The following NTM variants were observed in gnomAD, a reference collection of about 807,000 sequenced individuals.
NTM encodes the protein IgLON family member 2.
Under a neutral mutation model 42.1 loss-of-function variants are expected in NTM, and 13 were observed. The ratio of observed to expected loss-of-function variants is 0.31; its 90% confidence interval spans 0.20 to 0.49. The LOEUF (loss-of-function observed/expected upper bound fraction) is 0.49, where lower values mean the gene tolerates loss of function less well. NTM is among the 20% of genes least tolerant of loss of function. The pLI is 0.99. For synonymous variants in NTM, 187 were observed against 179.2 expected (o/e 1.04, Z -0.35); for missense variants, 373 against 452.8 (o/e 0.82, Z 1.60).
At chr11:131,490,470 C>T (rs1385535581) in intron 1 of NTM, among the ~76,000 whole-genome samples, 2 of 152,190 alleles carry the variant, frequency 1.3e-5, no homozygotes, top group East Asian at 3.9e-4. Flanking sequence ...TTGTGCAAGG[C>T]TCAGCAGGGT....
intron 2 of NTM, among the ~76,000 whole-genome samples, chr11:132,061,012 TTTTA>T (rs144117723): frequency 0.012 from 1,757 of 152,300 alleles, 25 homozygotes; most frequent in African/African-American, 0.039. Flanking sequence ...GCTGCTAGAT[TTTTA>T]TTTGTTTTAC....
At chr11:131,848,216 C>T (rs766769499) in intron 1 of NTM, among the ~76,000 whole-genome samples, 1 of 152,186 alleles carries the variant, frequency 6.6e-6, no homozygotes, top group Non-Finnish European at 1.5e-5. Context: ...AATTCCCTCT[C>T]CTCCATACAG....
chr11:131,709,619 A>G (rs1251534252), intron 1 of NTM, among the ~76,000 whole-genome samples: 1 of 152,212 alleles, frequency 6.6e-6, no homozygotes, highest in Non-Finnish European at 1.5e-5. Context: ...ACCAGCAGTC[A>G]TTTCTGGACA....
At chr11:131,830,909 A>ATATTTTATTT (rs56208314) in intron 1 of NTM, among the ~76,000 whole-genome samples, 5 of 151,954 alleles carry the variant, frequency 3.3e-5, no homozygotes. Context: ...GTATTCCTAC[A>ATATTTTATTT]TATTTTATTT....
intron 3 of NTM, among the ~76,000 whole-genome samples, chr11:132,197,686 C>T (rs1274696900): frequency 7.6e-6 from 1 of 132,106 alleles, no homozygotes; most frequent in African/African-American, 2.9e-5. Flanking sequence ...GTGTGATGTT[C>T]CCCTTCCTGT....
chr11:132,180,971 A>T (rs1310861637), intron 3 of NTM, among the ~76,000 whole-genome samples: 2 of 152,224 alleles, frequency 1.3e-5, no homozygotes, highest in African/African-American at 4.8e-5. Flanking sequence ...TGTAAAGTCA[A>T]TAAATTTAGG....
chr11:132,003,495 C>T lies in NTM; in HGVS notation c.167+91847C>T, dbSNP rs2069895735. Among the ~76,000 whole-genome samples the T allele has an allele frequency of 6.6e-6, 1 of 152,126 alleles. No individual in the cohort carries two copies. Among genetic ancestry groups the T allele is most frequent in the Non-Finnish European group, 1.5e-5 (1 of 68,018 alleles). ...TCCTGGGCTCAAGCGATCCTTCTGG[C>T]TCAGACCTCCAATGTGCTGGGATTA... is the stretch of plus-strand genomic sequence containing the variant. On this transcript the variant is annotated intron_variant, in intron 2 of 8. Transcript: ENST00000683400. This position sits in a 1 kb window ranked among gnomAD's most constrained non-coding sequence, Gnocchi z 6.0.
intron 1 of NTM, among the ~76,000 whole-genome samples, chr11:131,393,295 C>T (rs551869821): frequency 1.3e-5 from 2 of 152,254 alleles, no homozygotes; most frequent in South Asian, 2.1e-4. Context: ...TCACCCACCT[C>T]CCCACACATG....
At position 131,729,133 on chromosome 11, in the gene NTM, T is replaced by G. The variant is rs2079314978; in HGVS notation, c.83-182431T>G. Among the ~76,000 whole-genome samples, 7 of 152,312 alleles carry G rather than the reference T, an allele frequency of 4.6e-5. No individual in the cohort carries two copies. In the South Asian group the frequency reaches 1.4e-3, roughly 32 times the overall value. ...GTGACCTTGGGCAACTTATATAACT[T>G]CTCTGTCCTGAGTTTTTTTTATCTG... On this transcript the variant is annotated intron_variant, in intron 1 of 8. Transcript: ENST00000683400.
chr11:132,191,371 G>A (rs1265849362), intron 3 of NTM, among the ~76,000 whole-genome samples: 1 of 152,208 alleles, frequency 6.6e-6, no homozygotes, highest in Non-Finnish European at 1.5e-5. Context: ...CACAGACCAA[G>A]TTCCAGCCCA....
intron 2 of NTM, among the ~76,000 whole-genome samples, chr11:132,074,908 C>T (rs1444044402): frequency 6.6e-6 from 1 of 152,120 alleles, no homozygotes; most frequent in African/African-American, 2.4e-5. Context: ...ATATGAATTA[C>T]CCTAATCTGA....
chr11:131,511,065 A>C (rs1188770355), intron 1 of NTM, among the ~76,000 whole-genome samples: 1 of 152,166 alleles, frequency 6.6e-6, no homozygotes, highest in Non-Finnish European at 1.5e-5. Context: ...TGGATTTTGA[A>C]GAGACTAAGA....
At chr11:131,379,387 G>A (rs1014762169) in intron 1 of NTM, among the ~76,000 whole-genome samples, 2 of 152,160 alleles carry the variant, frequency 1.3e-5, no homozygotes, top group Non-Finnish European at 2.9e-5. Context: ...CCTTCTTATA[G>A]AATCCAGCCA....
intron 1 of NTM, among the ~76,000 whole-genome samples, chr11:131,454,533 G>A (rs940490641): frequency 3.9e-5 from 6 of 152,166 alleles, no homozygotes; most frequent in East Asian, 3.8e-4. Context: ...TGCTTCCTGC[G>A]CTTTACAGAG....
At position 132,009,511 on chromosome 11, in the gene NTM, C is replaced by G. The variant is rs1035637711; in HGVS notation, c.167+97863C>G. Among the ~76,000 whole-genome samples the G allele has an allele frequency of 7.2e-5, 11 of 152,326 alleles. No individual in the cohort carries two copies. In the South Asian group the frequency reaches 8.3e-4, roughly 11 times the overall value. ...GTCGTTTCTGGCACTGACACTGTGC[C>G]TGGTCCAGTGCCCTGGCTGTGCCAT... is the stretch of plus-strand genomic sequence containing the variant. On this transcript the variant is annotated intron_variant, in intron 2 of 8. Transcript: ENST00000683400.
intron 1 of NTM, among the ~76,000 whole-genome samples, chr11:131,907,668 G>A (rs560513357): frequency 5.3e-5 from 8 of 152,236 alleles, no homozygotes; most frequent in African/African-American, 1.9e-4. Context: ...AGAGGGTGGA[G>A]GTGGGCGCTC....
intron 2 of NTM, among the ~76,000 whole-genome samples, chr11:132,022,314 C>A (rs1439707430): frequency 6.6e-6 from 1 of 152,256 alleles, no homozygotes; most frequent in African/African-American, 2.4e-5. Context: ...CGACTTTATG[C>A]TCTGTTTTCT....
At chr11:131,636,103 T>C (rs1221664498) in intron 1 of NTM, among the ~76,000 whole-genome samples, 4 of 152,138 alleles carry the variant, frequency 2.6e-5, no homozygotes, top group Non-Finnish European at 5.9e-5. Flanking sequence ...GACAAGAGGC[T>C]GTATTTAAGC....
chr11:131,827,602 C>A (rs1370393464), intron 1 of NTM, among the ~76,000 whole-genome samples: 1 of 152,148 alleles, frequency 6.6e-6, no homozygotes, highest in Non-Finnish European at 1.5e-5. Context: ...AAACCTGAAG[C>A]CATGAAACCA....
Sources: gnomAD v4.1 joint callset for allele counts (sites outside exome capture counted in the v4.1 genomes callset) on GRCh38, gnomAD v4.1.1 for gene constraint, Gnocchi (gnomAD v3.1) non-coding constraint, MANE v1.5 for transcripts, NCBI Gene and HGNC (gene_info 2026-07-23, HGNC 2026-07-21) for gene names.